Variants in VPS13D observed in about 807,000 individuals in gnomAD.
VPS13D encodes vacuolar protein sorting 13 homolog D, also known as intermembrane lipid transfer protein VPS13D.
VPS13D carries 187 observed loss-of-function variants against 461.9 expected under a neutral mutation model. That is an observed-to-expected ratio of 0.40 (90% confidence interval 0.36 to 0.46). The LOEUF (loss-of-function observed/expected upper bound fraction) is 0.46. Among genes scored for constraint, VPS13D ranks in the 20% least tolerant of loss-of-function variants. The pLI is 0.60. For synonymous variants in VPS13D, 1,951 were observed against 1,986.3 expected (o/e 0.98, Z 0.47); for missense variants, 4,711 against 5,364.9 (o/e 0.88, Z 3.81).
At chr1:12,366,526 G>A (rs1644036879) in intron 52 of VPS13D, among the ~76,000 whole-genome samples, 1 of 152,158 alleles carries the variant, frequency 6.6e-6, no homozygotes, top group Non-Finnish European at 1.5e-5. Flanking sequence ...AACCACCATT[G>A]TTTTGTATAT....
chr1:12,438,377 C>T (rs963588283), intron 65 of VPS13D, among the ~76,000 whole-genome samples: 7 of 152,152 alleles, frequency 4.6e-5, no homozygotes, highest in African/African-American at 1.7e-4. Flanking sequence ...GAATCAGACA[C>T]CGAATCTGCT....
At chr1:12,375,981 A>C (rs1424078929) in intron 55 of VPS13D, among the ~76,000 whole-genome samples, 2 of 152,176 alleles carry the variant, frequency 1.3e-5, no homozygotes, top group Non-Finnish European at 2.9e-5. Context: ...TCAGATTTTC[A>C]AGTGGAAATT....
chr1:12,262,707 C>CTTTTTT (rs1466311010), intron 13 of VPS13D, among the ~76,000 whole-genome samples: 1 of 143,370 alleles, frequency 7.0e-6, no homozygotes, highest in Non-Finnish European at 1.5e-5. Flanking sequence ...TATTTTCTTT[C>CTTTTTT]TTTTTTTTTT....
At chr1:12,248,396 G>A (rs1268866611) in intron 5 of VPS13D, among the ~76,000 whole-genome samples, 1 of 151,860 alleles carries the variant, frequency 6.6e-6, no homozygotes, top group Non-Finnish European at 1.5e-5. Context: ...AGGCTGGAGT[G>A]CAGTGGCACC....
intron 57 of VPS13D, 35 bp downstream of exon 57, chr1:12,379,631 G>A (rs1644245909): frequency 6.5e-7 from 1 of 1,531,300 alleles, no homozygotes; most frequent in Non-Finnish European, 9.0e-7. Context: ...GCAGCAAGCA[G>A]TGGTTGAGCC....
chr1:12,365,623 GA>G (rs1490527343), intron 52 of VPS13D, among the ~76,000 whole-genome samples: 1 of 151,350 alleles, frequency 6.6e-6, no homozygotes, highest in African/African-American at 2.4e-5. Context: ...AGAATCACTT[GA>G]ACCCAGGAGG....
intron 67 of VPS13D, among the ~76,000 whole-genome samples, chr1:12,477,794 A>T (rs1051977574): frequency 3.6e-4 from 55 of 151,270 alleles, no homozygotes; most frequent in African/African-American, 1.1e-3. Flanking sequence ...CGAAAAATAA[A>T]TTTTTTTTTT....
At chr1:12,365,703 C>CAAA (rs796549722) in intron 52 of VPS13D, among the ~76,000 whole-genome samples, 6 of 92,170 alleles carry the variant, frequency 6.5e-5, no homozygotes, top group Admixed American at 5.4e-4. Flanking sequence ...GACTCTGTCT[C>CAAA]AAAAAAAAAA....
At chr1:12,486,760 G>A (rs927375754) in intron 67 of VPS13D, among the ~76,000 whole-genome samples, 34 of 152,170 alleles carry the variant, frequency 2.2e-4, no homozygotes, top group Non-Finnish European at 4.7e-4. Flanking sequence ...GCGGACTGCC[G>A]CTTCTTCACC....
At chr1:12,395,982 T>C (rs1644489529) in intron 60 of VPS13D, among the ~76,000 whole-genome samples, 1 of 118,284 alleles carries the variant, frequency 8.5e-6, no homozygotes, top group South Asian at 2.8e-4. Flanking sequence ...CTTAGAGGGA[T>C]AGAACTAATA....
chr1:12,302,035 C>A (rs919156464), intron 25 of VPS13D, among the ~76,000 whole-genome samples: 1 of 152,208 alleles, frequency 6.6e-6, no homozygotes, highest in African/African-American at 2.4e-5. Flanking sequence ...AGGCTCTGTG[C>A]TATAGCCTGT....
Position 12,403,813 on chromosome 1 carries a change from C to T in VPS13D, c.11882-12C>T. 1.3e-6 allele frequency: 2 copies of T among 1,568,138 alleles called. No homozygotes were observed. The highest frequency in any genetic ancestry group is 1.4e-5 in the African/African-American group (1 of 72,440). On this transcript the variant is annotated splice_polypyrimidine_tract_variant and intron_variant, in intron 62 of 69. Coordinates refer to ENST00000620676, the MANE Select transcript of VPS13D (RefSeq NM_015378.4). ...ATTCTTTTTTGTTTTTTTAATTCTT[C>T]CTTTGTACCAGAGGTGGAAAAATAT...
At chr1:12,439,321 G>C (rs1645101084) in intron 65 of VPS13D, among the ~76,000 whole-genome samples, 2 of 151,958 alleles carry the variant, frequency 1.3e-5, no homozygotes, top group Admixed American at 6.5e-5. Flanking sequence ...TCCACTCCAA[G>C]GTCTCTGCAC....
intron 30 of VPS13D, among the ~76,000 whole-genome samples, chr1:12,315,036 A>T (rs1390609616): frequency 6.6e-6 from 1 of 152,214 alleles, no homozygotes; most frequent in African/African-American, 2.4e-5. Flanking sequence ...TGTCATTGTT[A>T]TGCTGATATA....
intron 68 of VPS13D, among the ~76,000 whole-genome samples, chr1:12,498,314 G>T (rs1401593429): frequency 3.3e-5 from 5 of 152,102 alleles, no homozygotes; most frequent in Non-Finnish European, 7.4e-5. Flanking sequence ...ATGCTTATTT[G>T]CCATCTCCTT....
chr1:12,288,055 C>T (rs376291357), intron 21 of VPS13D, among the ~76,000 whole-genome samples, 168 bp from the exon 22 acceptor site: 3 of 152,190 alleles, frequency 2.0e-5, no homozygotes, highest in Admixed American at 6.5e-5. Context: ...GTCCTCAGGT[C>T]GTGGTTTCTC....
In VPS13D at chr1:12,386,220, C is replaced by G. The variant is rs576022467; in HGVS notation, c.11520C>G (p.Ser3840=). ...GGTTAGAAGGTGGAATTGGGTTGTC[C>G]TTAATTAATAAAGTCCCAGAAGAAC... ...LVRLEGGIGL[S]LINKVPEELV... is the part of the protein sequence containing the mutation. Residue 3840 remains serine (S), a synonymous_variant, in exon 60 of 70, where the codon TCC becomes TCG. Transcript: ENST00000620676. The G allele has an allele frequency of 6.2e-7, 1 of 1,612,900 alleles. No homozygotes were observed. Among genetic ancestry groups the G allele is most frequent in the Admixed American group, 1.7e-5 (1 of 59,832 alleles).
intron 30 of VPS13D, among the ~76,000 whole-genome samples, chr1:12,316,150 T>C (rs963367086): frequency 6.6e-6 from 1 of 152,208 alleles, no homozygotes; most frequent in Admixed American, 6.5e-5. Flanking sequence ...TTTATTATTA[T>C]TGATCTGGCT....
chr1:12,460,610 CATATTTTATATATGCTAT>C (rs1645397253), intron 67 of VPS13D, among the ~76,000 whole-genome samples: 1 of 149,974 alleles, frequency 6.7e-6, no homozygotes, highest in South Asian at 2.1e-4. Context: ...ATATATATAG[CATATTTTATATATGCTAT>C]ATATTTTATA....
Sources: gnomAD v4.1 joint callset for allele counts (sites outside exome capture counted in the v4.1 genomes callset) on GRCh38, gnomAD v4.1.1 for gene constraint, MANE v1.5 for transcripts, NCBI Gene and HGNC (gene_info 2026-07-23, HGNC 2026-07-21) for gene names.